Variants in EDEM1 observed in about 807,000 individuals in gnomAD.
EDEM1 encodes ER degradation enhancing alpha-mannosidase like protein 1.
A neutral mutation model predicts 74.4 loss-of-function variants in EDEM1; 67 were observed. The observed-to-expected ratio is 0.90, with a 90% confidence interval of 0.74 to 1.10. The LOEUF is 1.10. Among genes scored for constraint, EDEM1 ranks in the 50% least tolerant of loss-of-function variants. The pLI, the probability that EDEM1 is intolerant of heterozygous loss-of-function variation, is 0.00. For missense variants in EDEM1, 926 were observed against 851.6 expected (o/e 1.09, Z -1.09); for synonymous variants, 382 against 335.9 (o/e 1.14, Z -1.50).
At chr3:5,199,502 A>T in intron 2 of EDEM1, 90 bp from the exon 3 acceptor site, 1 of 876,906 alleles carries the variant, frequency 1.1e-6, no homozygotes, top group Non-Finnish European at 1.8e-6. Context: ...CCACATACAG[A>T]CATTTAGGTG....
chr3:5,203,149 G>T lies in EDEM1; in HGVS notation c.1042G>T (p.Gly348Cys). Reference protein sequence around the residue: ...NLRSNDTGLLGNVVNIQTGHW... With the variant: ...NLRSNDTGLLCNVVNIQTGHW... ...CCGGAGCAATGATACAGGATTACTA[G>T]GTGTGGCACCTTTCCTCGCCATTGG... The change falls in exon 5 of 12, where the codon GGC (glycine) becomes TGC (cysteine). Residue 348 changes from glycine (G) to cysteine (C), a missense_variant and splice_region_variant. Physicochemically the swap from Gly to Cys is radical, Grantham distance 159. Coordinates refer to ENST00000256497, the MANE Select transcript of EDEM1 (RefSeq NM_014674.3). 3 of 1,560,228 alleles carry T rather than the reference G, an allele frequency of 1.9e-6. No homozygotes were observed. The highest frequency in any genetic ancestry group is 2.6e-6 in the Non-Finnish European group (3 of 1,155,598).
chr3:5,203,288 C>T (rs1559297169), intron 5 of EDEM1, 139 bp downstream of exon 5: 1 of 866,596 alleles, frequency 1.2e-6, no homozygotes, highest in African/African-American at 1.8e-5. Flanking sequence ...TATCTAATTT[C>T]TTTATGTGAC....
intron 10 of EDEM1, chr3:5,211,528 C>A: frequency 3.2e-6 from 1 of 310,282 alleles, no homozygotes; most frequent in Non-Finnish European, 6.4e-6. Context: ...GGGAAGACGC[C>A]TCTGAGGAAG....
At position 5,188,143 on chromosome 3, in the gene EDEM1, A is replaced by T. The variant is rs1233706815; in HGVS notation, c.338A>T (p.Glu113Val). 1 of 1,535,100 alleles carries T rather than the reference A, an allele frequency of 6.5e-7. No individual in the cohort carries two copies. Among genetic ancestry groups the T allele is most frequent in the African/African-American group, 1.4e-5 (1 of 70,616 alleles). The part of the protein sequence containing the change: ...VLGGRGRGPD[E>V]YEKRYSGAFP... Reference sequence around the variant, plus strand: ...GGCGGCCGGGGCCGCGGCCCGGACGAGTACGAGAAGCGCTACAGCGGCGCC... The same window carrying T: ...GGCGGCCGGGGCCGCGGCCCGGACGTGTACGAGAAGCGCTACAGCGGCGCC... The change falls in exon 1 of 12, where the codon GAG becomes GTG. Residue 113 changes from glutamate (E) to valine (V), a missense_variant. Physicochemically the swap from Glu to Val is moderately radical, Grantham distance 121. Transcript: ENST00000256497.
chr3:5,200,563 T>G (rs1025962738), intron 3 of EDEM1, among the ~76,000 whole-genome samples: 1 of 152,252 alleles, frequency 6.6e-6, no homozygotes, highest in Non-Finnish European at 1.5e-5. Context: ...TTTTCCTGTT[T>G]ACATCTTTTG....
intron 4 of EDEM1, 42 bp downstream of exon 4, chr3:5,201,966 A>G (rs780459815): frequency 2.3e-5 from 36 of 1,566,360 alleles, no homozygotes; most frequent in Middle Eastern, 1.8e-4. Flanking sequence ...ACAATTCACT[A>G]TCTTCCTGAA....
chr3:5,208,520 T>TAA (rs1559299210), intron 8 of EDEM1, among the ~76,000 whole-genome samples: 2 of 152,176 alleles, frequency 1.3e-5, no homozygotes, highest in African/African-American at 4.8e-5. Context: ...GTAGGACTTA[T>TAA]AACTCACATC....
chr3:5,210,127 A>G (rs766650628), intron 8 of EDEM1, 48 bp from the exon 9 acceptor site: 4 of 1,542,108 alleles, frequency 2.6e-6, no homozygotes, highest in East Asian at 2.2e-5. Context: ...TGTCGATGGC[A>G]TGTCTTCCAA....
chr3:5,188,302 A>G lies in EDEM1; in HGVS notation c.497A>G (p.Asp166Gly). 1.3e-6 allele frequency: 2 copies of G among 1,515,904 alleles called. No individual in the cohort carries two copies. The highest frequency in any genetic ancestry group is 1.8e-6 in the Non-Finnish European group (2 of 1,128,858). 93.9% of individuals were successfully genotyped at this position (1,515,904 alleles called of 1,614,324 possible). ...ATCCACTGCCGCGGCCGTGGGCCCG[A>G]CCGCGGGGACCCGTGAGTAGCCCCC... ...NPIHCRGRGP[D>G]RGDPSNLNIN... The change falls in exon 1 of 12, where the codon GAC becomes GGC. Residue 166 changes from aspartate to glycine, a missense_variant. Physicochemically the swap from Asp to Gly is moderately conservative, Grantham distance 94. Transcript: ENST00000256497.
intron 8 of EDEM1, among the ~76,000 whole-genome samples, chr3:5,208,770 TACACACACACACAC>T (rs536161440): frequency 2.0e-5 from 3 of 148,322 alleles, no homozygotes; most frequent in African/African-American, 7.4e-5. Flanking sequence ...TATATATATA[TACACACACACACAC>T]ACACATATAT....
chr3:5,214,187 A>G (rs893342754), intron 11 of EDEM1, among the ~76,000 whole-genome samples: 4 of 152,200 alleles, frequency 2.6e-5, no homozygotes, highest in Admixed American at 6.5e-5. Flanking sequence ...TAGTGAAAGT[A>G]TCAGGTAGTT....
rs193173539 is a variant in EDEM1 at position 5,215,700 on chromosome 3, C to T, written c.1885-129C>T. ...TGACCGTCCTGCAGTGTACAGGCAG[C>T]TTCCACAACAGTTACTTCCAAACGT... On this transcript the variant is annotated intron_variant, in intron 11 of 11. Coordinates refer to ENST00000256497, the MANE Select transcript of EDEM1 (RefSeq NM_014674.3). 7.1e-5 allele frequency: 61 copies of T among 856,344 alleles called. No individual in the cohort carries two copies. The East Asian group carries it at 1.6e-3, about 22-fold the overall frequency. The allele number at this position is 856,344 out of a possible 1,614,324, so 53.0% of individuals were successfully genotyped here.
In EDEM1 at chr3:5,217,332, T is replaced by C. The variant is rs1195733765; in HGVS notation, c.*1414T>C. 3 of 152,684 alleles carry C rather than the reference T, an allele frequency of 2.0e-5. No homozygotes were observed. The highest frequency in any genetic ancestry group is 7.2e-5 in the African/African-American group (3 of 41,464). 9.5% of individuals were successfully genotyped at this position (152,684 alleles called of 1,614,324 possible). ...TTAGTCTGGCTTCCATGAAGCGTCA[T>C]GGGTGGAAACGCATTCTAGTAAAAA... On this transcript the variant is annotated 3_prime_UTR_variant, in exon 12 of 12. Transcript: ENST00000256497.
chr3:5,193,132 T>A (rs969853858), intron 1 of EDEM1, among the ~76,000 whole-genome samples: 2 of 152,166 alleles, frequency 1.3e-5, no homozygotes, highest in Non-Finnish European at 2.9e-5. Flanking sequence ...TGGGTGTGAC[T>A]CAGGAGAGGG....
intron 6 of EDEM1, 89 bp downstream of exon 6, chr3:5,205,330 A>C: frequency 7.4e-7 from 1 of 1,356,598 alleles, no homozygotes; most frequent in East Asian, 2.3e-5. Context: ...ACACAATCAC[A>C]GGGTCTGTTT....
rs371019199 is a variant in EDEM1 at position 5,215,904 on chromosome 3, G to T, written c.1960G>T (p.Val654Phe). The change falls in exon 12 of 12, where the codon GTT becomes TTT. Residue 654 changes from valine to phenylalanine, a missense_variant. Coordinates refer to ENST00000256497, the MANE Select transcript of EDEM1 (RefSeq NM_014674.3). ...SIYMRQIDQM[V>F]GLI ...CTACATGCGACAGATTGACCAGATG[G>T]TTGGTTTGATTTGATCTGCTCTCTG... is the stretch of plus-strand genomic sequence containing the variant. 6.2e-7 allele frequency: 1 copy of T among 1,612,660 alleles called. No homozygotes were observed. The highest frequency in any genetic ancestry group is 1.1e-5 in the South Asian group (1 of 90,672).
chr3:5,201,871 G>T lies in EDEM1; in HGVS notation c.805G>T (p.Val269Leu). ...GTTATACATGGCCCATGACCTGGCG[G>T]TGCGGCTCCTCCCTGCTTTTGAAAA... ...ELLYMAHDLA[V>L]RLLPAFENTK... The change falls in exon 4 of 12, where the codon GTG becomes TTG. Residue 269 changes from valine (V) to leucine (L), a missense_variant. Transcript: ENST00000256497. The T allele has an allele frequency of 1.9e-6, 3 of 1,614,170 alleles. No homozygotes were observed. The highest frequency in any genetic ancestry group is 2.5e-6 in the Non-Finnish European group (3 of 1,180,028).
intron 9 of EDEM1, among the ~76,000 whole-genome samples, chr3:5,210,892 C>G (rs1423373720): frequency 6.6e-6 from 1 of 152,176 alleles, no homozygotes; most frequent in Admixed American, 6.5e-5. Context: ...CCCGCCACCA[C>G]GCCCACACCC....
chr3:5,188,230 A>G lies in EDEM1; in HGVS notation c.425A>G (p.Tyr142Cys), dbSNP rs765141526. 6.9e-6 allele frequency: 11 copies of G among 1,584,852 alleles called. No individual in the cohort carries two copies. Among genetic ancestry groups the G allele is most frequent in the East Asian group, 2.4e-5 (1 of 41,764 alleles). ...DLARGMFVFG[Y>C]DNYMAHAFPQ... is the part of the protein sequence containing the mutation. ...GCACGGGGCATGTTCGTCTTTGGCT[A>G]CGACAACTACATGGCTCACGCCTTC... Residue 142 changes from tyrosine to cysteine, a missense_variant, in exon 1 of 12, where the codon TAC becomes TGC. By Grantham distance (194) the Tyr-to-Cys change is radical. Transcript: ENST00000256497.
Sources: gnomAD v4.1 joint callset for allele counts (sites outside exome capture counted in the v4.1 genomes callset) on GRCh38, gnomAD v4.1.1 for gene constraint, MANE v1.5 for transcripts, NCBI Gene and HGNC (gene_info 2026-07-23, HGNC 2026-07-21) for gene names.